Variants in PMEPA1 observed in about 807,000 individuals in gnomAD.
The protein encoded by PMEPA1 is prostate transmembrane protein, androgen induced 1.
Under a neutral mutation model 23.0 loss-of-function variants are expected in PMEPA1, and 11 were observed. That is an observed-to-expected ratio of 0.48 (90% CI 0.30 to 0.79). The LOEUF (loss-of-function observed/expected upper bound fraction) is 0.79, where lower values mean the gene tolerates loss of function less well. Among genes scored for constraint, PMEPA1 ranks in the 30% least tolerant of loss-of-function variants. The probability of loss-of-function intolerance (pLI) is 0.06; values close to 1 mark genes in which losing one functional copy is unlikely to be tolerated. For synonymous variants in PMEPA1, 204 were observed against 166.4 expected (o/e 1.23, Z -1.74); for missense variants, 377 against 390.9 (o/e 0.96, Z 0.30).
chr20:57,657,803 AC>A (rs1318962540), intron 2 of PMEPA1, among the ~76,000 whole-genome samples: 1 of 152,196 alleles, frequency 6.6e-6, no homozygotes, highest in Non-Finnish European at 1.5e-5. Context: ...TCTGGGCGCC[AC>A]CACCAACCCC....
chr20:57,662,886 G>T (rs1279922377), intron 1 of PMEPA1, among the ~76,000 whole-genome samples: 2 of 152,204 alleles, frequency 1.3e-5, no homozygotes, highest in Non-Finnish European at 2.9e-5. Context: ...CCAGACAGCA[G>T]TGAGACGGTA....
At chr20:57,684,309 G>A (rs2071769830) in intron 1 of PMEPA1, among the ~76,000 whole-genome samples, 1 of 152,084 alleles carries the variant, frequency 6.6e-6, no homozygotes, top group Non-Finnish European at 1.5e-5. Flanking sequence ...GAGGGGGGCA[G>A]GGTGACTTCT....
At chr20:57,670,709 A>G (rs1277872217) in intron 1 of PMEPA1, among the ~76,000 whole-genome samples, 1 of 152,194 alleles carries the variant, frequency 6.6e-6, no homozygotes, top group Non-Finnish European at 1.5e-5. Context: ...AAGGGATTTC[A>G]GAGATCAATG....
intron 2 of PMEPA1, among the ~76,000 whole-genome samples, chr20:57,653,376 C>T (rs184620185): frequency 6.6e-6 from 1 of 152,346 alleles, no homozygotes; most frequent in East Asian, 1.9e-4. Flanking sequence ...CTCAAAGCTG[C>T]CTGTAGCTTC....
In PMEPA1 at chr20:57,683,326, T is replaced by C. The variant is rs2071746062; in HGVS notation, c.110-23629A>G. ...TCAATACTGTTGCCATTCAGTTCTC[T>C]ATGCCATGCTGGCCTGGTGACTTGG... On this transcript the variant is annotated intron_variant, in intron 1 of 3. Transcript: ENST00000341744. The surrounding 1 kb of genome is among the most constrained non-coding windows in gnomAD (Gnocchi z 4.3). Among the ~76,000 whole-genome samples the C allele has an allele frequency of 6.6e-6, 1 of 152,234 alleles. No individual in the cohort carries two copies. Among genetic ancestry groups the C allele is most frequent in the African/African-American group, 2.4e-5 (1 of 41,456 alleles).
chr20:57,688,665 C>T (rs1003017776), intron 1 of PMEPA1, among the ~76,000 whole-genome samples: 8 of 152,318 alleles, frequency 5.3e-5, no homozygotes, highest in Non-Finnish European at 7.4e-5. Flanking sequence ...TAAGGAATCA[C>T]GGCAAATGCT....
At chr20:57,698,958 G>A (rs144339605) in intron 1 of PMEPA1, among the ~76,000 whole-genome samples, 4 of 152,222 alleles carry the variant, frequency 2.6e-5, no homozygotes, top group East Asian at 3.9e-4. Context: ...AAACTCTCAC[G>A]CCATCTCTCA....
intron 1 of PMEPA1, among the ~76,000 whole-genome samples, chr20:57,667,243 C>T (rs2071506087): frequency 6.6e-6 from 1 of 152,148 alleles, no homozygotes; most frequent in Non-Finnish European, 1.5e-5. Context: ...GACCTCTGTT[C>T]TTGGGGGCAG....
chr20:57,699,244 C>T (rs1266707326), intron 1 of PMEPA1, among the ~76,000 whole-genome samples: 1 of 152,156 alleles, frequency 6.6e-6, no homozygotes, highest in Non-Finnish European at 1.5e-5. Context: ...CCAACCTGAG[C>T]TCCGCCCAGC....
At chr20:57,672,375 G>C (rs1024559822) in intron 1 of PMEPA1, among the ~76,000 whole-genome samples, 3 of 152,258 alleles carry the variant, frequency 2.0e-5, no homozygotes, top group African/African-American at 7.2e-5. Flanking sequence ...GATGGCGGGC[G>C]GCGCCCAGGG....
At chr20:57,664,551 T>A (rs1423468093) in intron 1 of PMEPA1, among the ~76,000 whole-genome samples, 1 of 149,728 alleles carries the variant, frequency 6.7e-6, no homozygotes, top group East Asian at 1.9e-4. Flanking sequence ...GCTCGCAGAA[T>A]CCTCTTCGTG....
intron 1 of PMEPA1, among the ~76,000 whole-genome samples, chr20:57,679,845 G>A (rs2071688370): frequency 6.6e-6 from 1 of 152,158 alleles, no homozygotes; most frequent in South Asian, 2.1e-4. Flanking sequence ...GAGGAGAGTG[G>A]CTTAGAAGCC....
chr20:57,661,720 G>C (rs1462295238), intron 1 of PMEPA1, among the ~76,000 whole-genome samples: 2 of 152,252 alleles, frequency 1.3e-5, no homozygotes, highest in South Asian at 2.1e-4. Context: ...CTCCAAACCC[G>C]GGGGGCCCAG....
chr20:57,652,598 G>A lies in PMEPA1; in HGVS notation c.319C>T (p.Pro107Ser), dbSNP rs1343609278. The change falls in exon 4 of 4, where the codon CCG (proline) becomes TCG (serine). Residue 107 changes from proline to serine, a missense_variant and splice_region_variant. By Grantham distance (74) the Pro-to-Ser change is moderately conservative (BLOSUM62 -1). Around this residue, in one of 3 missense-constraint regions of PMEPA1, gnomAD observed 198 missense variants for 196.3 expected, o/e 1.01. Transcript: ENST00000341744. This position sits in a 1 kb window ranked among gnomAD's most constrained non-coding sequence, Gnocchi z 6.1. ...GGCCGAGGCGGGGCGTAGACCTGCGGCTGGAGGAAGCAGAGCGGGAGTGAG... is the reference window on the plus strand; with the variant it reads ...GGCCGAGGCGGGGCGTAGACCTGCGACTGGAGGAAGCAGAGCGGGAGTGAG... ...STVSGNGIPEPQVYAPPRPTD... is the reference protein window; with the variant it reads ...STVSGNGIPESQVYAPPRPTD... The A allele has an allele frequency of 1.4e-6, 2 of 1,471,540 alleles. No individual in the cohort carries two copies. The highest frequency in any genetic ancestry group is 2.4e-5 in the East Asian group (1 of 41,488). The allele number at this position is 1,471,540 out of a possible 1,614,324, so 91.2% of individuals were successfully genotyped here. A position where few individuals can be genotyped will look rare whatever the true frequency, so the allele number is the denominator to read the frequency against.
chr20:57,673,673 A>G (rs1302314178), intron 1 of PMEPA1, among the ~76,000 whole-genome samples: 2 of 152,182 alleles, frequency 1.3e-5, no homozygotes, highest in African/African-American at 2.4e-5. Flanking sequence ...CAAGGAAAAG[A>G]GTGTCCCATC....
chr20:57,684,454 G>A (rs1253307865), intron 1 of PMEPA1, among the ~76,000 whole-genome samples: 2 of 152,142 alleles, frequency 1.3e-5, no homozygotes, highest in Non-Finnish European at 2.9e-5. Flanking sequence ...GAAGGAGGGG[G>A]GCTCTGAGAA....
intron 1 of PMEPA1, among the ~76,000 whole-genome samples, chr20:57,690,087 G>A (rs891362866): frequency 2.0e-5 from 3 of 152,234 alleles, no homozygotes; most frequent in African/African-American, 7.2e-5. Flanking sequence ...TAAGGAGGAC[G>A]AGGCTCTTGG....
chr20:57,673,200 C>T (rs8115707), intron 1 of PMEPA1, among the ~76,000 whole-genome samples: 2 of 151,770 alleles, frequency 1.3e-5, no homozygotes, highest in African/African-American at 2.4e-5. Context: ...CACCTTTGCC[C>T]GGGCTGGCCC....
rs2071223391 is a variant in PMEPA1, at chr20:57,651,262, G to A, written c.*791C>T. On this transcript the variant is annotated 3_prime_UTR_variant, in exon 4 of 4. Transcript: ENST00000341744. Reference sequence around the variant, plus strand: ...CAGAAGCATCCACTCTGCAGGGACAGTGGCCCCTCGGGAAAGCCCGCCGCT... The same window carrying A: ...CAGAAGCATCCACTCTGCAGGGACAATGGCCCCTCGGGAAAGCCCGCCGCT... 1 of 152,230 alleles carries A rather than the reference G, an allele frequency of 6.6e-6. No individual in the cohort carries two copies. Among genetic ancestry groups the A allele is most frequent in the Non-Finnish European group, 1.5e-5 (1 of 68,048 alleles). 9.4% of individuals were successfully genotyped at this position (152,230 alleles called of 1,614,324 possible).
Sources: allele counts gnomAD v4.1 joint callset (sites outside exome capture counted in the v4.1 genomes callset), GRCh38; gene constraint gnomAD v4.1.1; regional missense constraint gnomAD v4.1.1; non-coding constraint Gnocchi (gnomAD v3.1); transcripts MANE v1.5; gene names NCBI Gene and HGNC (gene_info 2026-07-23, HGNC 2026-07-21).